GSTCD: variants seen among roughly 807,000 people sequenced by gnomAD.
The protein encoded by GSTCD is glutathione S-transferase C-terminal domain containing.
In GSTCD, 44 loss-of-function variants were observed where a neutral mutation model predicts 68.3. The observed-to-expected ratio is 0.64, with a 90% CI of 0.51 to 0.83. The LOEUF (loss-of-function observed/expected upper bound fraction) is 0.83. Among genes scored for constraint, GSTCD ranks in the 40% least tolerant of loss-of-function variants. The pLI, the probability that GSTCD is intolerant of heterozygous loss-of-function variation, is 0.00. For synonymous variants in GSTCD, 273 were observed against 255.2 expected (o/e 1.07, Z -0.67); for missense variants, 739 against 735.9 (o/e 1.00, Z -0.05).
At chr4:105,726,515 A>G (rs1015535774) in intron 3 of GSTCD, 64 bp from the exon 4 acceptor site, 11 of 1,033,860 alleles carry the variant, frequency 1.1e-5, no homozygotes, top group Non-Finnish European at 1.5e-5. Context: ...TTGTAAAGTT[A>G]CCTCAACACA....
intron 5 of GSTCD, among the ~76,000 whole-genome samples, chr4:105,800,450 A>C (rs1736064679): frequency 6.6e-6 from 1 of 152,174 alleles, no homozygotes; most frequent in Non-Finnish European, 1.5e-5. Flanking sequence ...CCATTTAGGC[A>C]GTTTTGCCTG....
At chr4:105,791,107 G>A (rs1315406775) in intron 5 of GSTCD, among the ~76,000 whole-genome samples, 1 of 151,848 alleles carries the variant, frequency 6.6e-6, no homozygotes, top group Non-Finnish European at 1.5e-5. Flanking sequence ...GAAAAAAGAG[G>A]GGCTGGCCGG....
At chr4:105,755,056 CAAAAAAAAAAAAAAAAAAAAAAAAAAA>C (rs70941214) in intron 5 of GSTCD, among the ~76,000 whole-genome samples, 1,071 of 51,032 alleles carry the variant, frequency 0.021, 36 homozygotes, top group African/African-American at 0.079. Flanking sequence ...CTCATTTCTC[CAAAAAAAAAAAAAAAAAAAAAAAAAAA>C]AAAAAAAAAA....
chr4:105,740,537 T>G (rs1733599838), intron 5 of GSTCD, among the ~76,000 whole-genome samples: 1 of 152,118 alleles, frequency 6.6e-6, no homozygotes, highest in African/African-American at 2.4e-5. Flanking sequence ...ATTAGTTGTT[T>G]AGGCTGTTTT....
rs139802759 is a variant in GSTCD at position 105,807,896 on chromosome 4, G to A, written c.1241-15058G>A. ...GTTTTCCTCAATGGTTTTAGCATCCGTTGATGATTTCTATGCAAATCAGTT... is the reference window on the plus strand; with the variant it reads ...GTTTTCCTCAATGGTTTTAGCATCCATTGATGATTTCTATGCAAATCAGTT... On this transcript the variant is annotated intron_variant, in intron 5 of 11. Coordinates refer to ENST00000515279, the MANE Select transcript of GSTCD (RefSeq NM_001370181.1). Among the ~76,000 whole-genome samples, 183 of 152,180 alleles carry A rather than the reference G, an allele frequency of 1.2e-3. 2 individuals are homozygous for A. Among genetic ancestry groups the A allele is most frequent in the African/African-American group, 4.2e-3 (176 of 41,538 alleles).
At chr4:105,786,434 C>T (rs1034816140) in intron 5 of GSTCD, among the ~76,000 whole-genome samples, 7 of 151,748 alleles carry the variant, frequency 4.6e-5, no homozygotes, top group South Asian at 2.1e-4. Flanking sequence ...ATCGCTTGGA[C>T]GCCAGAGGCG....
At chr4:105,734,516 T>C (rs1478179110) in intron 5 of GSTCD, among the ~76,000 whole-genome samples, 1 of 152,240 alleles carries the variant, frequency 6.6e-6, no homozygotes, top group Non-Finnish European at 1.5e-5. Flanking sequence ...TGTAGTTCTC[T>C]TGCCATGGTT....
At chr4:105,819,832 G>A (rs1578506228) in intron 5 of GSTCD, among the ~76,000 whole-genome samples, 2 of 150,146 alleles carry the variant, frequency 1.3e-5, no homozygotes, top group Admixed American at 1.3e-4. Context: ...TACCTTTTCG[G>A]TGTGTTTTTA....
At chr4:105,732,472 T>C (rs1484673990) in intron 5 of GSTCD, among the ~76,000 whole-genome samples, 1 of 152,222 alleles carries the variant, frequency 6.6e-6, no homozygotes, top group Non-Finnish European at 1.5e-5. Context: ...TTCTAGTTTA[T>C]TTGCATAGAG....
At chr4:105,748,730 C>A (rs1436365384) in intron 5 of GSTCD, among the ~76,000 whole-genome samples, 1 of 151,520 alleles carries the variant, frequency 6.6e-6, no homozygotes, top group Non-Finnish European at 1.5e-5. Flanking sequence ...ATATTACATA[C>A]GATATGTATT....
At chr4:105,724,733 T>C (rs1359361323) in intron 3 of GSTCD, among the ~76,000 whole-genome samples, 1 of 152,012 alleles carries the variant, frequency 6.6e-6, no homozygotes, top group Non-Finnish European at 1.5e-5. Context: ...AATACATCAA[T>C]GATTGCAGAC....
chr4:105,822,700 A>G (rs914655528), intron 5 of GSTCD, among the ~76,000 whole-genome samples: 1 of 152,148 alleles, frequency 6.6e-6, no homozygotes, highest in Non-Finnish European at 1.5e-5. Context: ...TTTCCTTTCA[A>G]TGGCTATTGA....
intron 5 of GSTCD, among the ~76,000 whole-genome samples, chr4:105,810,101 T>C (rs1722694046): frequency 6.6e-6 from 1 of 152,094 alleles, no homozygotes; most frequent in Non-Finnish European, 1.5e-5. Flanking sequence ...CATAATTCTC[T>C]AGGAAGTCTA....
intron 5 of GSTCD, among the ~76,000 whole-genome samples, chr4:105,755,425 T>A (rs1734152174): frequency 1.3e-5 from 2 of 152,138 alleles, no homozygotes; most frequent in South Asian, 4.1e-4. Context: ...TCCCCTTTAC[T>A]ATCTGATCTC....
chr4:105,831,717 T>C (rs1246213079), intron 8 of GSTCD, among the ~76,000 whole-genome samples: 2 of 152,152 alleles, frequency 1.3e-5, no homozygotes, highest in Admixed American at 1.3e-4. Context: ...GTCAATCCTT[T>C]CCCTACTTTG....
At chr4:105,821,871 GTT>G (rs1305941972) in intron 5 of GSTCD, among the ~76,000 whole-genome samples, 3 of 151,594 alleles carry the variant, frequency 2.0e-5, no homozygotes, top group Non-Finnish European at 4.4e-5. Context: ...TTTTTATATA[GTT>G]TTTTATTTAC....
chr4:105,784,121 G>T (rs141724956), intron 5 of GSTCD, among the ~76,000 whole-genome samples: 1 of 152,210 alleles, frequency 6.6e-6, no homozygotes, highest in African/African-American at 2.4e-5. Context: ...TAAGTAATTT[G>T]TGGTAGTCTG....
intron 5 of GSTCD, among the ~76,000 whole-genome samples, chr4:105,787,784 G>A (rs1735520547): frequency 1.3e-5 from 2 of 151,816 alleles, no homozygotes; most frequent in Non-Finnish European, 2.9e-5. Flanking sequence ...TCCCCCCTTG[G>A]GAGCTAGATT....
intron 5 of GSTCD, among the ~76,000 whole-genome samples, chr4:105,734,386 C>T (rs1289117660): frequency 6.6e-6 from 1 of 152,186 alleles, no homozygotes; most frequent in East Asian, 1.9e-4. Context: ...TTGTTCATTT[C>T]TTTTTACTCT....
Sources: allele counts gnomAD v4.1 joint callset (sites outside exome capture counted in the v4.1 genomes callset), GRCh38; gene constraint gnomAD v4.1.1; transcripts MANE v1.5; gene names NCBI Gene and HGNC (gene_info 2026-07-23, HGNC 2026-07-21).